SLC9C2: variants seen among roughly 807,000 people sequenced by gnomAD.
SLC9C2 encodes the protein solute carrier family 9 member C2 (putative), also known as sodium/hydrogen exchanger 11.
A neutral mutation model predicts 140.2 loss-of-function variants in SLC9C2; 75 were observed. The ratio of observed to expected loss-of-function variants is 0.53; its 90% CI spans 0.44 to 0.65. The LOEUF (loss-of-function observed/expected upper bound fraction) is 0.65, where lower values mean the gene tolerates loss of function less well. SLC9C2 is among the 30% of genes least tolerant of loss of function. The pLI, the probability that SLC9C2 is intolerant of heterozygous loss-of-function variation, is 0.00. For missense variants in SLC9C2, 1,074 were observed against 1,331.8 expected, an observed-to-expected ratio of 0.81 and a Z score of 3.01; for synonymous variants, 375 against 420.9, an observed-to-expected ratio of 0.89 and a Z score of 1.34.
chr1:173,516,089 A>G (rs930891104), intron 23 of SLC9C2, among the ~76,000 whole-genome samples: 3 of 152,092 alleles, frequency 2.0e-5, no homozygotes, highest in Non-Finnish European at 4.4e-5. Context: ...GCCAGTAGGA[A>G]CGCTCCTGTA....
intron 12 of SLC9C2, among the ~76,000 whole-genome samples, 175 bp downstream of exon 12, chr1:173,548,214 T>G (rs1157579053): frequency 2.0e-5 from 3 of 152,194 alleles, no homozygotes; most frequent in Admixed American, 6.5e-5. Flanking sequence ...ACCAAGACCT[T>G]CTCTTTGGAG....
intron 17 of SLC9C2, among the ~76,000 whole-genome samples, chr1:173,532,079 A>G (rs1008359626): frequency 6.6e-6 from 1 of 152,220 alleles, no homozygotes; most frequent in Non-Finnish European, 1.5e-5. Flanking sequence ...ATGAACACTA[A>G]AGTTTGGTCA....
intron 9 of SLC9C2, among the ~76,000 whole-genome samples, chr1:173,571,027 T>G (rs1352272870): frequency 1.3e-5 from 2 of 152,226 alleles, no homozygotes; most frequent in Admixed American, 1.3e-4. Context: ...TTTTTGGTTC[T>G]TATGAAGGTG....
intron 4 of SLC9C2, among the ~76,000 whole-genome samples, chr1:173,594,359 T>C (rs1031409079): frequency 1.3e-5 from 2 of 152,240 alleles, no homozygotes; most frequent in African/African-American, 4.8e-5. Context: ...ATAAATATGC[T>C]AATTACCCTG....
chr1:173,509,799 T>C (rs560893328), intron 23 of SLC9C2, 100 bp from the exon 24 acceptor site: 6 of 1,189,056 alleles, frequency 5.0e-6, no homozygotes, highest in Admixed American at 2.9e-5. Context: ...TCAGAAAAAC[T>C]ATCAATTCTA....
chr1:173,599,722 G>A (rs962968328), intron 3 of SLC9C2, among the ~76,000 whole-genome samples: 1 of 151,880 alleles, frequency 6.6e-6, no homozygotes, highest in Non-Finnish European at 1.5e-5. Context: ...TCATGCCTCA[G>A]CCTCCTAAGT....
chr1:173,573,015 CACTT>C (rs1234337893), intron 9 of SLC9C2, among the ~76,000 whole-genome samples, 163 bp downstream of exon 9: 17 of 152,268 alleles, frequency 1.1e-4, no homozygotes, highest in African/African-American at 3.8e-4. Context: ...GAAAAATAAA[CACTT>C]ACCCCAAGTT....
At chr1:173,561,887 C>CACACACACACACACACA (rs1558068630) in intron 9 of SLC9C2, among the ~76,000 whole-genome samples, 1 of 141,234 alleles carries the variant, frequency 7.1e-6, no homozygotes, top group Non-Finnish European at 1.5e-5. Flanking sequence ...ACACACACAC[C>CACACACACACACACACA]CCCAACTGTA....
In SLC9C2 at chr1:173,542,515, C is replaced by G. The variant is rs375143979; in HGVS notation, c.1557+5174G>C. Reference sequence around the variant, plus strand: ...TCCTCCCTAACTCATTTTATGAGGCCAGTGTCATCCTGATACCAAAGCCTG... The same window carrying G: ...TCCTCCCTAACTCATTTTATGAGGCGAGTGTCATCCTGATACCAAAGCCTG... On this transcript the variant is annotated intron_variant, in intron 13 of 27. Coordinates refer to ENST00000367714, the MANE Select transcript of SLC9C2 (RefSeq NM_178527.4). Among the ~76,000 whole-genome samples, 5 of 152,206 alleles carry G rather than the reference C, an allele frequency of 3.3e-5. No homozygotes were observed. In the East Asian group the frequency reaches 9.6e-4, roughly 29 times the overall value.
chr1:173,533,571 C>T, intron 17 of SLC9C2, 38 bp downstream of exon 17: 3 of 1,495,924 alleles, frequency 2.0e-6, no homozygotes, highest in Non-Finnish European at 1.8e-6. Flanking sequence ...AGCTACCACT[C>T]CTGGCAAATC....
At chr1:173,576,626 A>G (rs1377085642) in intron 8 of SLC9C2, 35 bp downstream of exon 8, 17 of 1,385,326 alleles carry the variant, frequency 1.2e-5, no homozygotes, top group Non-Finnish European at 1.4e-5. Flanking sequence ...CTAAACTGCT[A>G]TGAGATCCAT....
intron 13 of SLC9C2, among the ~76,000 whole-genome samples, chr1:173,545,221 T>C (rs115517741): frequency 6.6e-6 from 1 of 152,264 alleles, no homozygotes; most frequent in Non-Finnish European, 1.5e-5. Flanking sequence ...AACTGTGAAG[T>C]GGGGCGGACT....
chr1:173,533,617 G>A lies in SLC9C2; in HGVS notation c.2155C>T (p.Leu719Phe), dbSNP rs764144882. ...GYLRIIRFLP[L>F]FKIIVPILIR... ...AAAATGTGAAATCTTACCTTGAAGA[G>A]AGGAAGAAACCTAATTATTCTTAAA... The change falls in exon 17 of 28, where the codon CTC becomes TTC. Residue 719 changes from leucine (L) to phenylalanine (F), a missense_variant. Coordinates refer to ENST00000367714, the MANE Select transcript of SLC9C2 (RefSeq NM_178527.4). The A allele has an allele frequency of 4.4e-6, 7 of 1,586,732 alleles. No individual in the cohort carries two copies. The highest frequency in any genetic ancestry group is 6.0e-6 in the Non-Finnish European group (7 of 1,165,142).
rs376913702 is a variant in SLC9C2 at position 173,600,150 on chromosome 1, G to A, written c.195C>T (p.Phe65=). 486 of 1,610,640 alleles carry A rather than the reference G, an allele frequency of 3.0e-4. No homozygotes were observed. Among genetic ancestry groups the A allele is most frequent in the Non-Finnish European group, 3.9e-4 (455 of 1,178,274 alleles). Residue 65 remains phenylalanine (F), a synonymous_variant, in exon 3 of 28, where the codon TTC becomes TTT. Coordinates refer to ENST00000367714, the MANE Select transcript of SLC9C2 (RefSeq NM_178527.4). ...AATTGTAGGCCATGTGTCCTATCAC[G>A]AATCCTGATAGAGAAAGAATCGTCA... ...IVLTILSLSG[F]VIGHMAYNSV...
chr1:173,561,300 G>A (rs1434888785), intron 9 of SLC9C2, among the ~76,000 whole-genome samples: 1 of 152,148 alleles, frequency 6.6e-6, no homozygotes, highest in Non-Finnish European at 1.5e-5. Flanking sequence ...AAAGAGATGT[G>A]GGGTTGCTGT....
intron 4 of SLC9C2, among the ~76,000 whole-genome samples, chr1:173,596,850 G>A (rs1462326491): frequency 6.6e-6 from 1 of 151,742 alleles, no homozygotes; most frequent in Non-Finnish European, 1.5e-5. Flanking sequence ...TGGGATAAAA[G>A]GTAACTAAAT....
rs749309690 is a variant in SLC9C2, at chr1:173,524,934, C to A, written c.2366-7G>T. On this transcript the variant is annotated splice_region_variant and splice_polypyrimidine_tract_variant and intron_variant, in intron 19 of 27. Coordinates refer to ENST00000367714, the MANE Select transcript of SLC9C2 (RefSeq NM_178527.4). ...CCCTCATGCTCCATGAGTACTACAG[C>A]AAAGAAAATAAAATTCAGTAAGTGG... 1.9e-6 allele frequency: 3 copies of A among 1,612,164 alleles called. No homozygotes were observed. In the African/African-American group the frequency reaches 4.0e-5, roughly 22 times the overall value.
At chr1:173,552,672 G>A (rs551613130) in intron 11 of SLC9C2, among the ~76,000 whole-genome samples, 1 of 152,142 alleles carries the variant, frequency 6.6e-6, no homozygotes, top group Non-Finnish European at 1.5e-5. Context: ...GCTCACTATT[G>A]ATATCTACTG....
chr1:173,589,873 A>T (rs1320342973), intron 4 of SLC9C2, among the ~76,000 whole-genome samples: 2 of 152,170 alleles, frequency 1.3e-5, no homozygotes, highest in Non-Finnish European at 2.9e-5. Context: ...ACAATACAGC[A>T]CTGAAAGATA....
Sources: allele counts gnomAD v4.1 joint callset (sites outside exome capture counted in the v4.1 genomes callset), GRCh38; gene constraint gnomAD v4.1.1; transcripts MANE v1.5; gene names NCBI Gene and HGNC (gene_info 2026-07-23, HGNC 2026-07-21).